FN1: variants seen among roughly 807,000 people sequenced by gnomAD.
FN1 encodes fibronectin 1.
In FN1, 106 loss-of-function variants were observed where a neutral mutation model predicts 297.3. The ratio of observed to expected loss-of-function variants is 0.36; its 90% confidence interval spans 0.30 to 0.42. The LOEUF is 0.42. Ranked by LOEUF, FN1 falls within the 10% of genes least tolerant of loss-of-function variation. The pLI, the probability that FN1 is intolerant of heterozygous loss-of-function variation, is 1.00. For synonymous variants in FN1, 1,149 were observed against 1,152.6 expected, an observed-to-expected ratio of 1.00 and a Z score of 0.06; for missense variants, 2,690 against 3,124.9, an observed-to-expected ratio of 0.86 and a Z score of 3.32.
At chr2:215,418,893 A>G (rs2063802702) in intron 12 of FN1, among the ~76,000 whole-genome samples, 1 of 152,212 alleles carries the variant, frequency 6.6e-6, no homozygotes, top group South Asian at 2.1e-4. Context: ...ATCATAATAT[A>G]AAGCCCCAAA....
chr2:215,395,793 T>C (rs2060239420), intron 23 of FN1, among the ~76,000 whole-genome samples: 1 of 152,258 alleles, frequency 6.6e-6, no homozygotes, highest in South Asian at 2.1e-4. Flanking sequence ...GAAACCCAAC[T>C]GAATGAGAAA....
chr2:215,397,320 T>TTCCC (rs887248916), intron 22 of FN1, 97 bp from the exon 23 acceptor site: 22 of 853,738 alleles, frequency 2.6e-5, no homozygotes, highest in Middle Eastern at 2.2e-4. Flanking sequence ...TCCATGCTTC[T>TTCCC]TCCCTCCCTC....
chr2:215,376,628 G>T lies in FN1; in HGVS notation c.5757C>A (p.Thr1919=), dbSNP rs771242439. The part of the protein sequence containing the change: ...RRARVTDATE[T]TITISWRTKT... ...TGGTTCTCCAGCTAATGGTGATGGT[G>T]GTCTCAGTAGCATCTGTCACACGAG... The change falls in exon 36 of 46, where the codon ACC becomes ACA. Residue 1919 remains threonine, a synonymous_variant. Transcript: ENST00000354785. 1 of 1,613,956 alleles carries T rather than the reference G, an allele frequency of 6.2e-7. No homozygotes were observed. The highest frequency in any genetic ancestry group is 1.3e-5 in the African/African-American group (1 of 74,980).
chr2:215,367,258 A>T (rs1198560770), intron 42 of FN1, among the ~76,000 whole-genome samples: 1 of 152,258 alleles, frequency 6.6e-6, no homozygotes. Context: ...AACTTAAAAA[A>T]TTTGAAAATT....
intron 44 of FN1, 94 bp from the exon 45 acceptor site, chr2:215,362,173 A>G (rs1575147512): frequency 2.1e-5 from 18 of 841,972 alleles, no homozygotes; most frequent in Non-Finnish European, 3.2e-5. Flanking sequence ...GTCACATCAT[A>G]TGCACTGGCA....
Position 215,393,444 on chromosome 2 carries a change from A to ATT in FN1, c.3797-243_3797-242dup, listed in dbSNP as rs869057414. 101 of 176,136 alleles carry ATT rather than the reference A, an allele frequency of 5.7e-4. 1 individual carries two copies. The highest frequency in any genetic ancestry group is 6.9e-4 in the African/African-American group (29 of 42,158). 10.9% of individuals were successfully genotyped at this position (176,136 alleles called of 1,614,324 possible). On this transcript the variant is annotated intron_variant, in intron 24 of 45. Coordinates refer to ENST00000354785, the MANE Select transcript of FN1 (RefSeq NM_212482.4). ...TTTTAGGGAATATATATATATATAT[A>ATT]TTTTTTACATTTTGAAAACATCCTT...
intron 12 of FN1, among the ~76,000 whole-genome samples, chr2:215,417,775 T>C (rs2063655423): frequency 6.6e-6 from 1 of 152,156 alleles, no homozygotes; most frequent in Non-Finnish European, 1.5e-5. Flanking sequence ...CAACATGTAA[T>C]ACTCCAATAC....
intron 26 of FN1, 31 bp downstream of exon 26, chr2:215,391,601 A>T (rs763830424): frequency 1.9e-6 from 3 of 1,587,090 alleles, no homozygotes. Context: ...CTAGGTTAAT[A>T]TTTATGGAAC....
At chr2:215,412,157 G>A (rs1250266) in intron 13 of FN1, among the ~76,000 whole-genome samples, 62 of 151,232 alleles carry the variant, frequency 4.1e-4, no homozygotes, top group African/African-American at 1.5e-3. Flanking sequence ...CCAGATTATG[G>A]ACATAGGGTG....
intron 27 of FN1, 85 bp from the exon 28 acceptor site, chr2:215,387,043 T>C: frequency 8.1e-7 from 1 of 1,236,954 alleles, no homozygotes; most frequent in South Asian, 1.4e-5. Context: ...TAGGGGAAAT[T>C]AACGTACATC....
intron 20 of FN1, among the ~76,000 whole-genome samples, 160 bp downstream of exon 20, chr2:215,404,229 C>T (rs555067434): frequency 6.6e-5 from 10 of 152,120 alleles, no homozygotes; most frequent in Admixed American, 3.9e-4. Context: ...AAACAATTAA[C>T]GGGCCAGCAG....
chr2:215,386,799 C>T lies in FN1; in HGVS notation c.4502G>A (p.Arg1501Gln), dbSNP rs2059076437. The T allele has an allele frequency of 6.2e-7, 1 of 1,613,830 alleles. No individual in the cohort carries two copies. The highest frequency in any genetic ancestry group is 2.2e-5 in the East Asian group (1 of 44,856). Residue 1501 changes from arginine to glutamine, a missense_variant, in exon 28 of 46, where the codon CGG becomes CAG. Arg to Gln is a conservative substitution (Grantham distance 43). Coordinates refer to ENST00000354785, the MANE Select transcript of FN1 (RefSeq NM_212482.4). ...RPREDRVPHS[R>Q]NSITLTNLTP... ...GAGGTTGGTGAGGGTGATGGAATTC[C>T]GAGAGTGGGGCACCCGATCTTCTCG...
At chr2:215,431,031 A>T (rs1168395972) in intron 4 of FN1, among the ~76,000 whole-genome samples, 179 bp from the exon 5 acceptor site, 1 of 152,204 alleles carries the variant, frequency 6.6e-6, no homozygotes, top group Admixed American at 6.5e-5. Flanking sequence ...CCAAGGCAAA[A>T]GAAAGCTCAA....
rs1230403444 is a variant in FN1 at position 215,397,115 on chromosome 2, C to T, written c.3604+22G>A. The T allele has an allele frequency of 5.9e-6, 9 of 1,520,482 alleles. No individual in the cohort carries two copies. In the South Asian group the frequency reaches 1.0e-4, roughly 17 times the overall value. The allele number at this position is 1,520,482 out of a possible 1,614,324, so 94.2% of individuals were successfully genotyped here. On this transcript the variant is annotated intron_variant, in intron 23 of 45. Coordinates refer to ENST00000354785, the MANE Select transcript of FN1 (RefSeq NM_212482.4). ...TGGGAAGGTATGGTGTATACTTGCC[C>T]TCTGATCCATCCCAAACTTACCTGG...
intron 27 of FN1, among the ~76,000 whole-genome samples, chr2:215,387,273 A>T (rs1156811876): frequency 1.3e-5 from 2 of 152,202 alleles, no homozygotes; most frequent in Non-Finnish European, 2.9e-5. Flanking sequence ...AGTGTTCAAG[A>T]TCTTCTGAGA....
intron 24 of FN1, 76 bp downstream of exon 24, chr2:215,394,452 A>G: frequency 8.2e-7 from 1 of 1,213,532 alleles, no homozygotes; most frequent in Non-Finnish European, 1.2e-6. Flanking sequence ...ACCCTTAAGC[A>G]TCTGGGGATT....
intron 6 of FN1, among the ~76,000 whole-genome samples, chr2:215,426,305 C>T (rs867932700): frequency 2.3e-4 from 35 of 151,978 alleles, no homozygotes; most frequent in Admixed American, 5.9e-4. Flanking sequence ...CCCGCCACCA[C>T]GCCCGGCTAA....
chr2:215,425,389 C>T (rs2065149268), intron 6 of FN1, 104 bp from the exon 7 acceptor site: 1 of 1,164,388 alleles, frequency 8.6e-7, no homozygotes, highest in Non-Finnish European at 1.3e-6. Context: ...ACTCTGAAAT[C>T]TATGTCGCTA....
At chr2:215,390,346 G>A (rs1005445849) in intron 26 of FN1, among the ~76,000 whole-genome samples, 3 of 152,018 alleles carry the variant, frequency 2.0e-5, no homozygotes, top group Admixed American at 2.0e-4. Flanking sequence ...CACCATGCCC[G>A]GCTAATTTTT....
Sources: gnomAD v4.1 joint callset for allele counts (sites outside exome capture counted in the v4.1 genomes callset) on GRCh38, gnomAD v4.1.1 for gene constraint, MANE v1.5 for transcripts, NCBI Gene and HGNC (gene_info 2026-07-23, HGNC 2026-07-21) for gene names.